The following DPP6 variants were observed in gnomAD, a reference collection of about 807,000 sequenced individuals.
DPP6 encodes dipeptidyl peptidase like 6.
Under a neutral mutation model 122.6 loss-of-function variants are expected in DPP6, and 69 were observed. The observed-to-expected ratio is 0.56, with a 90% CI of 0.46 to 0.69. DPP6 has a LOEUF of 0.69. Ranked by LOEUF, DPP6 falls within the 30% of genes least tolerant of loss-of-function variation. DPP6 has a pLI of 0.00. For synonymous variants in DPP6, 418 were observed against 433.1 expected (o/e 0.97, Z 0.43); for missense variants, 928 against 1,116.9 (o/e 0.83, Z 2.41).
chr7:154,297,872 A>T (rs577505446), intron 1 of DPP6, among the ~76,000 whole-genome samples: 1 of 152,280 alleles, frequency 6.6e-6, no homozygotes, highest in South Asian at 2.1e-4. Flanking sequence ...GTGCACGCTG[A>T]CAGATGCTGC....
intron 8 of DPP6, among the ~76,000 whole-genome samples, chr7:154,738,512 G>C (rs2131402232): frequency 6.6e-6 from 1 of 152,336 alleles, no homozygotes; most frequent in African/African-American, 2.4e-5. Context: ...TCAGCTGTGA[G>C]GATGGGGGAA....
chr7:154,652,797 GTGTT>G (rs1331914604), intron 6 of DPP6, among the ~76,000 whole-genome samples: 3 of 152,014 alleles, frequency 2.0e-5, no homozygotes, highest in South Asian at 2.1e-4. Context: ...CTTGAGCTGA[GTGTT>G]TGAGCAATTT....
At chr7:154,386,295 C>T (rs1814104135) in intron 1 of DPP6, among the ~76,000 whole-genome samples, 2 of 152,108 alleles carry the variant, frequency 1.3e-5, no homozygotes, top group South Asian at 4.1e-4. Flanking sequence ...GTTTGTGTTC[C>T]TCCTGCCCCC....
chr7:154,402,949 A>G lies in DPP6; in HGVS notation c.244-43265A>G, dbSNP rs1815766504. Among the ~76,000 whole-genome samples, 3 of 152,186 alleles carry G rather than the reference A, an allele frequency of 2.0e-5. No individual in the cohort carries two copies. The South Asian group carries it at 6.2e-4, about 32-fold the overall frequency. ...AAGCAGAGAAACTTTAAAAGCACAT[A>G]CATTTTGTTCAAGGAACAACTATAG... On this transcript the variant is annotated intron_variant, in intron 1 of 25. Transcript: ENST00000377770.
chr7:154,836,332 GCA>G (rs1383858471), intron 16 of DPP6, among the ~76,000 whole-genome samples: 4 of 152,212 alleles, frequency 2.6e-5, no homozygotes, highest in Non-Finnish European at 5.9e-5. Flanking sequence ...GAAGCACACA[GCA>G]CTGCCTCACC....
chr7:154,679,750 T>C (rs1839169127), intron 7 of DPP6, among the ~76,000 whole-genome samples: 1 of 152,204 alleles, frequency 6.6e-6, no homozygotes, highest in Non-Finnish European at 1.5e-5. Context: ...TTGGTATTCA[T>C]TGTAAAAACA....
intron 1 of DPP6, among the ~76,000 whole-genome samples, chr7:153,899,882 A>G (rs1336870756): frequency 1.3e-5 from 2 of 152,226 alleles, no homozygotes; most frequent in African/African-American, 4.8e-5. Flanking sequence ...GAAGGCTATT[A>G]TCTAATCATG....
intron 7 of DPP6, among the ~76,000 whole-genome samples, chr7:154,712,609 G>A (rs1399401617): frequency 2.0e-5 from 3 of 152,222 alleles, no homozygotes; most frequent in African/African-American, 7.2e-5. Flanking sequence ...TCTTCACAGG[G>A]TGGCAGAAGA....
intron 1 of DPP6, among the ~76,000 whole-genome samples, chr7:154,361,123 C>A (rs551393051): frequency 7.9e-5 from 12 of 151,500 alleles, no homozygotes; most frequent in Middle Eastern, 3.4e-3. Flanking sequence ...AAGATTTGAG[C>A]GTTGAGATTC....
chr7:154,505,754 G>A (rs184315726), intron 3 of DPP6, among the ~76,000 whole-genome samples: 2 of 152,234 alleles, frequency 1.3e-5, no homozygotes, highest in African/African-American at 4.8e-5. Context: ...ATGATTTATG[G>A]CCATTGGTGT....
At chr7:154,200,433 G>GC (rs1209054813) in intron 1 of DPP6, among the ~76,000 whole-genome samples, 5 of 152,162 alleles carry the variant, frequency 3.3e-5, no homozygotes, top group Non-Finnish European at 5.9e-5. Context: ...ACGCTAGTGT[G>GC]CAGCTGAGGG....
At position 154,663,698 on chromosome 7, in the gene DPP6, G is replaced by A. The variant is rs368622690; in HGVS notation, c.681-5662G>A. ...TCATGGTGAATCACCATGGCATATC[G>A]GCCGTAGTGTTCATATAGTCATGGT... On this transcript the variant is annotated intron_variant, in intron 6 of 25. Transcript: ENST00000377770. 9.1e-5 allele frequency among the ~76,000 whole-genome samples: 3 copies of A among 33,080 alleles called. 1 individual carries two copies. Among genetic ancestry groups the A allele is most frequent in the East Asian group, 2.6e-3 (2 of 756 alleles). 21.7% of individuals were successfully genotyped at this position (33,080 alleles called of 152,430 possible). A position where few individuals can be genotyped will look rare whatever the true frequency, so the allele number is the denominator to read the frequency against.
chr7:153,861,982 T>C, the DPP6 span, among the ~76,000 whole-genome samples: 1 of 152,276 alleles, frequency 6.6e-6, no homozygotes, highest in South Asian at 2.1e-4. Context: ...ACTCCCACAT[T>C]TTTGTTGCAA....
At chr7:153,858,740 TA>T in the DPP6 span, among the ~76,000 whole-genome samples, 1 of 152,244 alleles carries the variant, frequency 6.6e-6, no homozygotes, top group Non-Finnish European at 1.5e-5. Flanking sequence ...CAGAGATGTT[TA>T]ATGAAGATGA....
chr7:153,807,194 C>T, the DPP6 span, among the ~76,000 whole-genome samples: 3 of 151,842 alleles, frequency 2.0e-5, no homozygotes, highest in Admixed American at 6.6e-5. Flanking sequence ...GGGCACATCA[C>T]CTGAGGTCAG....
chr7:154,024,529 G>T (rs1269091007), intron 1 of DPP6, among the ~76,000 whole-genome samples: 1 of 152,010 alleles, frequency 6.6e-6, no homozygotes, highest in Non-Finnish European at 1.5e-5. Context: ...ACAAGCAGAG[G>T]TTTCAAGGGA....
intron 7 of DPP6, among the ~76,000 whole-genome samples, chr7:154,710,958 T>A (rs73495872): frequency 0.04 from 6,018 of 152,332 alleles, 384 homozygotes; most frequent in African/African-American, 0.14. Flanking sequence ...TACAACAGGA[T>A]CTTTCACTTT....
the DPP6 span, among the ~76,000 whole-genome samples, chr7:153,832,896 T>A: frequency 6.6e-6 from 1 of 152,148 alleles, no homozygotes; most frequent in Non-Finnish European, 1.5e-5. Flanking sequence ...ATAGAGATAG[T>A]GTACTGTAGA....
At chr7:154,663,865 T>C (rs1474186078) in intron 6 of DPP6, among the ~76,000 whole-genome samples, 17 of 111,758 alleles carry the variant, frequency 1.5e-4, no homozygotes, top group Non-Finnish European at 3.2e-4. Context: ...TGAATCACCA[T>C]GGCGTATTGG....
Sources: gnomAD v4.1 joint callset for allele counts (sites outside exome capture counted in the v4.1 genomes callset) on GRCh38, gnomAD v4.1.1 for gene constraint, MANE v1.5 for transcripts, NCBI Gene and HGNC (gene_info 2026-07-23, HGNC 2026-07-21) for gene names.